TRABD2B: variants seen among roughly 807,000 people sequenced by gnomAD.
TRABD2B encodes the protein metalloprotease TIKI2.
In TRABD2B, 14 loss-of-function variants were observed where a neutral mutation model predicts 40.1. That is an observed-to-expected ratio of 0.35 (90% CI 0.23 to 0.55). The LOEUF (loss-of-function observed/expected upper bound fraction) is 0.55. TRABD2B is among the 20% of genes least tolerant of loss of function. The pLI, the probability that TRABD2B is intolerant of heterozygous loss-of-function variation, is 0.90. For synonymous variants in TRABD2B, 263 were observed against 277.0 expected, an observed-to-expected ratio of 0.95 and a Z score of 0.50; for missense variants, 541 against 648.6, an observed-to-expected ratio of 0.83 and a Z score of 1.80.
intron 2 of TRABD2B, among the ~76,000 whole-genome samples, chr1:47,812,551 T>C (rs566612722): frequency 7.6e-5 from 2 of 26,468 alleles, no homozygotes; most frequent in African/African-American, 9.8e-5. Flanking sequence ...GGAGACCCCA[T>C]CTCTAAAAAC....
At chr1:47,887,362 T>C (rs1260242883) in intron 2 of TRABD2B, among the ~76,000 whole-genome samples, 1 of 152,080 alleles carries the variant, frequency 6.6e-6, no homozygotes, top group Non-Finnish European at 1.5e-5. Flanking sequence ...TTCGACATGC[T>C]ACTAGCTCTC....
chr1:47,824,309 G>A lies in TRABD2B; in HGVS notation c.667-22690C>T, dbSNP rs546772454. On this transcript the variant is annotated intron_variant, in intron 2 of 6. Transcript: ENST00000606738. ...AGTTCCCGCCAGTTCCACAGAGGCAGGTCTGGGGGGAATCTTTCAGCAACG... is the reference window on the plus strand; with the variant it reads ...AGTTCCCGCCAGTTCCACAGAGGCAAGTCTGGGGGGAATCTTTCAGCAACG... Among the ~76,000 whole-genome samples, 12 of 152,270 alleles carry A rather than the reference G, an allele frequency of 7.9e-5. No individual in the cohort carries two copies. In the South Asian group the frequency reaches 1.9e-3, roughly 24 times the overall value.
chr1:47,869,393 T>C (rs959649503), intron 2 of TRABD2B, among the ~76,000 whole-genome samples: 1 of 152,216 alleles, frequency 6.6e-6, no homozygotes, highest in Non-Finnish European at 1.5e-5. Context: ...GTAAACTCAT[T>C]GTAACCACCA....
intron 2 of TRABD2B, among the ~76,000 whole-genome samples, chr1:47,979,297 C>T (rs1450211776): frequency 6.6e-6 from 1 of 152,192 alleles, no homozygotes; most frequent in Non-Finnish European, 1.5e-5. Flanking sequence ...TACTCAAAGC[C>T]AGGTGTCAGG....
In TRABD2B at chr1:47,990,767, GGTTTTATATATATATATA is replaced by G. The variant is rs1371590707; in HGVS notation, c.666+3249_666+3266del. ...TACAAGTTGTTGGTTTTAAAACGTT[GGTTTTATATATATATATA>G]TATATATATATATATATATATATAT... On this transcript the variant is annotated intron_variant, in intron 2 of 6. Transcript: ENST00000606738. Among the ~76,000 whole-genome samples the G allele has an allele frequency of 1.7e-4, 11 of 66,640 alleles. 1 individual carries two copies. Among genetic ancestry groups the G allele is most frequent in the African/African-American group, 6.6e-4 (11 of 16,614 alleles). 43.7% of individuals were successfully genotyped at this position (66,640 alleles called of 152,430 possible).
At chr1:47,812,343 C>T (rs60215394) in intron 2 of TRABD2B, among the ~76,000 whole-genome samples, 6,744 of 152,224 alleles carry the variant, frequency 0.044, 339 homozygotes, top group East Asian at 0.21. Flanking sequence ...AGGTTGGGGG[C>T]CTCAGAGGGG....
intron 2 of TRABD2B, among the ~76,000 whole-genome samples, chr1:47,975,422 A>G (rs1645741975): frequency 6.6e-6 from 1 of 152,218 alleles, no homozygotes; most frequent in African/African-American, 2.4e-5. Flanking sequence ...ACTAGAAAAC[A>G]GACGAATTCC....
intron 2 of TRABD2B, among the ~76,000 whole-genome samples, chr1:47,855,842 A>G (rs1210812319): frequency 2.0e-5 from 3 of 152,244 alleles, no homozygotes; most frequent in African/African-American, 4.8e-5. Context: ...GAGGGCCCGC[A>G]TCAGAACTTG....
At chr1:47,976,466 TTACC>T (rs2148433306) in intron 2 of TRABD2B, among the ~76,000 whole-genome samples, 1 of 152,292 alleles carries the variant, frequency 6.6e-6, no homozygotes, top group Non-Finnish European at 1.5e-5. Flanking sequence ...CATTAACTGA[TTACC>T]TACTATGTGC....
At chr1:47,793,337 G>A (rs751915061) in intron 4 of TRABD2B, among the ~76,000 whole-genome samples, 11 of 152,242 alleles carry the variant, frequency 7.2e-5, no homozygotes, top group Non-Finnish European at 1.0e-4. Flanking sequence ...GCTGTCCCAG[G>A]AGGACTGTAT....
chr1:47,974,697 C>T (rs929499259), intron 2 of TRABD2B, among the ~76,000 whole-genome samples: 4 of 152,180 alleles, frequency 2.6e-5, no homozygotes, highest in Non-Finnish European at 5.9e-5. Context: ...GTTAACTCCC[C>T]ACTTTTTAGG....
At chr1:47,841,427 G>A (rs1377899651) in intron 2 of TRABD2B, among the ~76,000 whole-genome samples, 2 of 152,194 alleles carry the variant, frequency 1.3e-5, no homozygotes, top group Non-Finnish European at 1.5e-5. Context: ...CCAGGCCAGC[G>A]CCTGAATCCC....
chr1:47,875,783 C>A (rs1210633386), intron 2 of TRABD2B, among the ~76,000 whole-genome samples: 2 of 151,220 alleles, frequency 1.3e-5, no homozygotes, highest in African/African-American at 4.9e-5. Context: ...GGTCATTATA[C>A]TTCCTCAATA....
chr1:47,797,766 A>G (rs1569967171), intron 3 of TRABD2B, among the ~76,000 whole-genome samples: 1 of 152,206 alleles, frequency 6.6e-6, no homozygotes, highest in East Asian at 1.9e-4. Context: ...ATGTCATTAG[A>G]CTTGTTGGGG....
intron 4 of TRABD2B, among the ~76,000 whole-genome samples, chr1:47,782,189 CA>C (rs1644533489): frequency 6.6e-6 from 1 of 152,142 alleles, no homozygotes; most frequent in East Asian, 1.9e-4. Context: ...TCCTTCTCTG[CA>C]ACAATGTCTT....
At chr1:47,862,471 A>T (rs1643987621) in intron 2 of TRABD2B, among the ~76,000 whole-genome samples, 1 of 152,226 alleles carries the variant, frequency 6.6e-6, no homozygotes, top group African/African-American at 2.4e-5. Flanking sequence ...TGAATGTGAA[A>T]TTAAAAACAC....
intron 2 of TRABD2B, among the ~76,000 whole-genome samples, chr1:47,836,289 T>C (rs990737625): frequency 6.6e-6 from 1 of 152,220 alleles, no homozygotes; most frequent in African/African-American, 2.4e-5. Flanking sequence ...GGTTTACCTA[T>C]ATCCCTAATA....
At chr1:47,883,669 T>C (rs979113411) in intron 2 of TRABD2B, among the ~76,000 whole-genome samples, 1 of 152,126 alleles carries the variant, frequency 6.6e-6, no homozygotes, top group Non-Finnish European at 1.5e-5. Context: ...GCATATGTAC[T>C]GTCTTCACCA....
At chr1:47,872,118 C>T (rs1279219024) in intron 2 of TRABD2B, among the ~76,000 whole-genome samples, 1 of 152,192 alleles carries the variant, frequency 6.6e-6, no homozygotes, top group Non-Finnish European at 1.5e-5. Flanking sequence ...CTTGGGAGGA[C>T]AGCAGCATGC....
Sources: gnomAD v4.1 joint callset for allele counts (sites outside exome capture counted in the v4.1 genomes callset) on GRCh38, gnomAD v4.1.1 for gene constraint, MANE v1.5 for transcripts, NCBI Gene and HGNC (gene_info 2026-07-23, HGNC 2026-07-21) for gene names.